The following RBMS3 variants were observed in gnomAD, a reference collection of about 807,000 sequenced individuals.
The protein encoded by RBMS3 is RNA-binding motif, single-stranded-interacting protein 3.
RBMS3 carries 27 observed loss-of-function variants against 66.8 expected under a neutral mutation model. The observed-to-expected ratio is 0.40, with a 90% CI of 0.30 to 0.56. RBMS3 has a LOEUF of 0.56. Ranked by LOEUF, RBMS3 falls within the 20% of genes least tolerant of loss-of-function variation. RBMS3 has a pLI of 0.40. For synonymous variants in RBMS3, 188 were observed against 183.0 expected (o/e 1.03, Z -0.22); for missense variants, 513 against 549.5 (o/e 0.93, Z 0.66).
At chr3:29,458,429 C>A (rs1006399914) in intron 2 of RBMS3, among the ~76,000 whole-genome samples, 6 of 152,066 alleles carry the variant, frequency 3.9e-5, no homozygotes, top group African/African-American at 1.4e-4. Flanking sequence ...TCTAAGATCA[C>A]CCCCTTGGAT....
chr3:29,301,593 A>G (rs1019179981), intron 1 of RBMS3, among the ~76,000 whole-genome samples: 14 of 152,036 alleles, frequency 9.2e-5, no homozygotes, highest in Non-Finnish European at 2.9e-5. Flanking sequence ...TTTGTCAGAA[A>G]GAATGAGACA....
chr3:29,686,728 A>T (rs771265738), intron 4 of RBMS3, among the ~76,000 whole-genome samples: 1 of 152,222 alleles, frequency 6.6e-6, no homozygotes, highest in Non-Finnish European at 1.5e-5. Flanking sequence ...TTAATTAAAT[A>T]TAAGAACCAA....
chr3:29,570,324 A>T (rs973452052), intron 3 of RBMS3, among the ~76,000 whole-genome samples: 2 of 152,128 alleles, frequency 1.3e-5, no homozygotes, highest in African/African-American at 2.4e-5. Context: ...TTTGTTTTAT[A>T]AGACATCCAA....
intron 2 of RBMS3, among the ~76,000 whole-genome samples, chr3:29,458,483 A>T (rs1275905903): frequency 6.6e-6 from 1 of 152,204 alleles, no homozygotes; most frequent in Non-Finnish European, 1.5e-5. Flanking sequence ...AAAATTGCAC[A>T]GTATTGGCAT....
intron 1 of RBMS3, among the ~76,000 whole-genome samples, chr3:29,429,670 C>T (rs572665990): frequency 6.6e-6 from 1 of 152,132 alleles, no homozygotes; most frequent in Non-Finnish European, 1.5e-5. Flanking sequence ...AACCCCAGAC[C>T]GTAAGTACTC....
At chr3:29,857,572 A>T (rs1199130100) in intron 6 of RBMS3, among the ~76,000 whole-genome samples, 2 of 151,788 alleles carry the variant, frequency 1.3e-5, no homozygotes, top group Non-Finnish European at 2.9e-5. Context: ...AAAAAAAAAA[A>T]AAAAAAGGTT....
rs547515338 is a variant in RBMS3, at chr3:29,781,028, A to G, written c.637+18039A>G. Reference sequence around the variant, plus strand: ...TGTGCACAATGTGCAGGTTTGTTACATATGTATACATGTGCCATGTTAGTG... The same window carrying G: ...TGTGCACAATGTGCAGGTTTGTTACGTATGTATACATGTGCCATGTTAGTG... On this transcript the variant is annotated intron_variant, in intron 6 of 14. Transcript: ENST00000383767. 5.3e-4 allele frequency among the ~76,000 whole-genome samples: 80 copies of G among 151,880 alleles called. 1 individual carries two copies. The Middle Eastern group carries it at 0.01, about 20-fold the overall frequency.
At chr3:29,928,651 C>T (rs1411641350) in intron 10 of RBMS3, among the ~76,000 whole-genome samples, 1 of 152,116 alleles carries the variant, frequency 6.6e-6, no homozygotes, top group African/African-American at 2.4e-5. Context: ...TTTATGTAAA[C>T]TACAGCAGTT....
intron 4 of RBMS3, among the ~76,000 whole-genome samples, chr3:29,687,325 C>T (rs2149268249): frequency 6.6e-6 from 1 of 152,280 alleles, no homozygotes; most frequent in South Asian, 2.1e-4. Context: ...TGTTCAAAGC[C>T]ATGTGTTCGT....
intron 8 of RBMS3, 154 bp downstream of exon 8, chr3:29,884,362 C>A: frequency 6.4e-6 from 4 of 624,940 alleles, no homozygotes; most frequent in African/African-American, 1.9e-5. Context: ...TAGTTTTTTT[C>A]ATCCTATAAA....
At chr3:29,564,185 A>T (rs951606325) in intron 3 of RBMS3, among the ~76,000 whole-genome samples, 12 of 151,914 alleles carry the variant, frequency 7.9e-5, no homozygotes, top group African/African-American at 1.2e-4. Context: ...ATTACAATAA[A>T]TTTTTTTTAG....
intron 6 of RBMS3, among the ~76,000 whole-genome samples, chr3:29,855,450 A>G (rs960153155): frequency 2.6e-5 from 4 of 152,214 alleles, no homozygotes; most frequent in Non-Finnish European, 5.9e-5. Context: ...TATGTTCAAT[A>G]CAAAATATTT....
chr3:29,484,270 T>A (rs991291037), intron 2 of RBMS3, among the ~76,000 whole-genome samples: 4 of 152,234 alleles, frequency 2.6e-5, no homozygotes, highest in Admixed American at 2.6e-4. Context: ...CATAACAAAG[T>A]ACCACAGACT....
chr3:29,846,520 A>G (rs1285657787), intron 6 of RBMS3, among the ~76,000 whole-genome samples: 3 of 152,144 alleles, frequency 2.0e-5, no homozygotes, highest in Non-Finnish European at 4.4e-5. Context: ...TCACATGCAA[A>G]TCTTTTGGCC....
At chr3:29,483,660 T>C (rs1257333636) in intron 2 of RBMS3, among the ~76,000 whole-genome samples, 2 of 152,222 alleles carry the variant, frequency 1.3e-5, no homozygotes, top group Non-Finnish European at 2.9e-5. Flanking sequence ...AAGCTCTTTG[T>C]AGCATGAAAA....
chr3:29,630,379 T>C (rs1378981934), intron 4 of RBMS3, among the ~76,000 whole-genome samples: 1 of 152,054 alleles, frequency 6.6e-6, no homozygotes, highest in Non-Finnish European at 1.5e-5. Flanking sequence ...TATTGTGTTA[T>C]AGATTTCTAT....
chr3:29,448,650 C>T lies in RBMS3; in HGVS notation c.248+13735C>T, dbSNP rs139419011. On this transcript the variant is annotated intron_variant, in intron 2 of 14. Coordinates refer to ENST00000383767, the MANE Select transcript of RBMS3 (RefSeq NM_001003793.3). ...TACCTGGTATTGTTAGAAGCACTTACAGGTAGAGTGGTCTACTCTTTCTGG... is the reference window on the plus strand; with the variant it reads ...TACCTGGTATTGTTAGAAGCACTTATAGGTAGAGTGGTCTACTCTTTCTGG... 1.1e-4 allele frequency among the ~76,000 whole-genome samples: 16 copies of T among 152,308 alleles called. No homozygotes were observed. The South Asian group carries it at 1.9e-3, about 18-fold the overall frequency.
chr3:29,688,523 T>C (rs1375927198), intron 4 of RBMS3, among the ~76,000 whole-genome samples: 1 of 151,754 alleles, frequency 6.6e-6, no homozygotes, highest in Non-Finnish European at 1.5e-5. Flanking sequence ...TTTTTCGTTT[T>C]GATTAATGTA....
At chr3:29,838,464 G>A (rs9853437) in intron 6 of RBMS3, among the ~76,000 whole-genome samples, 38,029 of 152,032 alleles carry the variant, frequency 0.25, 6,241 homozygotes, top group African/African-American at 0.48. Flanking sequence ...TCAATGTTAT[G>A]TTAATTTCGG....
Sources: allele counts gnomAD v4.1 joint callset (sites outside exome capture counted in the v4.1 genomes callset), GRCh38; gene constraint gnomAD v4.1.1; transcripts MANE v1.5; gene names NCBI Gene and HGNC (gene_info 2026-07-23, HGNC 2026-07-21).